Variants in FRMD4A observed in about 807,000 individuals in gnomAD.
The protein encoded by FRMD4A is FERM domain containing 4A, also known as FERM domain-containing protein 4A.
FRMD4A carries 29 observed loss-of-function variants against 129.1 expected under a neutral mutation model. The ratio of observed to expected loss-of-function variants is 0.22; its 90% CI spans 0.17 to 0.31. The LOEUF is 0.31. Among genes scored for constraint, FRMD4A ranks in the 10% least tolerant of loss-of-function variants. The probability of loss-of-function intolerance (pLI) is 1.00; values close to 1 mark genes in which losing one functional copy is unlikely to be tolerated. For synonymous variants in FRMD4A, 634 were observed against 571.6 expected (o/e 1.11, Z -1.56); for missense variants, 1,272 against 1,375.8 (o/e 0.92, Z 1.19).
intron 2 of FRMD4A, among the ~76,000 whole-genome samples, chr10:14,134,248 A>AATGGATGGATGG (rs60021621): frequency 0.19 from 28,792 of 149,638 alleles, 3,332 homozygotes; most frequent in East Asian, 0.38. Flanking sequence ...AATTGGAAAG[A>AATGGATGGATGG]ATGGATGGAT....
At chr10:14,211,121 C>T (rs1029825361) in intron 2 of FRMD4A, among the ~76,000 whole-genome samples, 3 of 152,166 alleles carry the variant, frequency 2.0e-5, no homozygotes, top group African/African-American at 4.8e-5. Context: ...CATCTCACTT[C>T]CCTGGTATAA....
intron 2 of FRMD4A, among the ~76,000 whole-genome samples, chr10:13,953,614 G>A (rs193121777): frequency 6.0e-4 from 92 of 152,238 alleles, no homozygotes; most frequent in Non-Finnish European, 1.0e-3. Context: ...TTCCCAGATC[G>A]ACTGTCTTGA....
intron 6 of FRMD4A, among the ~76,000 whole-genome samples, chr10:13,777,326 A>T (rs891314959): frequency 1.3e-5 from 2 of 152,288 alleles, no homozygotes; most frequent in Non-Finnish European, 2.9e-5. Context: ...TGAGGCTCAA[A>T]TATCATAGTA....
chr10:14,180,190 C>T (rs1841866819), intron 2 of FRMD4A, among the ~76,000 whole-genome samples: 1 of 152,104 alleles, frequency 6.6e-6, no homozygotes, highest in South Asian at 2.1e-4. Context: ...AGCTTTGTTC[C>T]AGGGCTTGAG....
intron 2 of FRMD4A, among the ~76,000 whole-genome samples, chr10:14,075,922 C>T (rs1441494246): frequency 6.6e-6 from 1 of 152,164 alleles, no homozygotes; most frequent in Non-Finnish European, 1.5e-5. Flanking sequence ...TTGCTTTTTC[C>T]TAATGTCTGC....
intron 3 of FRMD4A, among the ~76,000 whole-genome samples, chr10:13,857,672 C>T (rs2094232215): frequency 6.6e-6 from 1 of 152,178 alleles, no homozygotes; most frequent in South Asian, 2.1e-4. Context: ...ATCACTTCCC[C>T]CATGAGCAGA....
At chr10:13,730,463 G>A (rs990553314) in intron 12 of FRMD4A, among the ~76,000 whole-genome samples, 4 of 152,082 alleles carry the variant, frequency 2.6e-5, no homozygotes, top group Admixed American at 1.3e-4. Context: ...CACACAGCTG[G>A]CAGTTTTTTC....
chr10:14,206,239 C>T (rs943307641), intron 2 of FRMD4A, among the ~76,000 whole-genome samples: 1 of 152,122 alleles, frequency 6.6e-6, no homozygotes, highest in African/African-American at 2.4e-5. Context: ...CAACACAAGG[C>T]GCACTTTTCT....
chr10:13,919,632 A>C (rs1367037608), intron 2 of FRMD4A, among the ~76,000 whole-genome samples: 1 of 152,160 alleles, frequency 6.6e-6, no homozygotes, highest in East Asian at 1.9e-4. Context: ...TCAAAATTCT[A>C]AGTAATTCAA....
At chr10:13,944,777 G>C (rs1364224293) in intron 2 of FRMD4A, among the ~76,000 whole-genome samples, 2 of 152,182 alleles carry the variant, frequency 1.3e-5, no homozygotes, top group Admixed American at 6.5e-5. Context: ...AAAAAGAAAG[G>C]CTTAAAAAAT....
chr10:13,925,819 G>A (rs950677919), intron 2 of FRMD4A, among the ~76,000 whole-genome samples: 6 of 150,592 alleles, frequency 4.0e-5, no homozygotes, highest in Admixed American at 2.6e-4. Context: ...TCCTGACCTC[G>A]TGATCTGCCC....
chr10:14,287,695 T>C (rs907877050), intron 2 of FRMD4A, among the ~76,000 whole-genome samples: 11 of 152,104 alleles, frequency 7.2e-5, no homozygotes, highest in African/African-American at 2.7e-4. Flanking sequence ...GCCTCTCCAC[T>C]GCCACATCAA....
chr10:14,015,136 C>T (rs1219675550), intron 2 of FRMD4A, among the ~76,000 whole-genome samples: 1 of 119,812 alleles, frequency 8.3e-6, no homozygotes, highest in African/African-American at 3.2e-5. Flanking sequence ...TTCCCTTTCT[C>T]CTTCCTTCCT....
chr10:13,921,810 A>C lies in FRMD4A; in HGVS notation c.46-62898T>G, dbSNP rs1409470523. On this transcript the variant is annotated intron_variant, in intron 2 of 24. Transcript: ENST00000357447. ...GGTTCCAGTGCTCTTACATTATTTT[A>C]CATTGTTTCTTGTGGCAACATTTCC... 5.9e-5 allele frequency among the ~76,000 whole-genome samples: 9 copies of C among 152,168 alleles called. 1 individual carries two copies. The highest frequency in any genetic ancestry group is 5.9e-4 in the Admixed American group (9 of 15,282).
At chr10:14,165,477 A>G (rs867254661) in intron 2 of FRMD4A, among the ~76,000 whole-genome samples, 7 of 152,264 alleles carry the variant, frequency 4.6e-5, no homozygotes, top group East Asian at 1.9e-4. Context: ...AACTAAAAAT[A>G]GAACTACTAT....
chr10:13,651,839 C>G (rs61253007), intron 24 of FRMD4A, 64 bp downstream of exon 24: 17,775 of 832,364 alleles, frequency 0.021, 907 homozygotes, highest in African/African-American at 0.14. Flanking sequence ...ATGACATGGA[C>G]AAAAGCAACA....
rs72780827 is a variant in FRMD4A at position 14,299,720 on chromosome 10, A to G, written c.45+30338T>C. Among the ~76,000 whole-genome samples, 1,242 of 152,296 alleles carry G rather than the reference A, an allele frequency of 8.2e-3. 5 individuals are homozygous for G. The highest frequency in any genetic ancestry group is 0.014 in the Non-Finnish European group (930 of 68,020). ...CAATGAGCCGCCTCAGACAAGACACATCAACTACCAGAAAGGAGCCAGTAG... is the reference window on the plus strand; with the variant it reads ...CAATGAGCCGCCTCAGACAAGACACGTCAACTACCAGAAAGGAGCCAGTAG... On this transcript the variant is annotated intron_variant, in intron 2 of 24. Coordinates refer to ENST00000357447, the MANE Select transcript of FRMD4A (RefSeq NM_018027.5).
At chr10:14,086,910 G>C (rs985528784) in intron 2 of FRMD4A, among the ~76,000 whole-genome samples, 4 of 152,158 alleles carry the variant, frequency 2.6e-5, no homozygotes, top group African/African-American at 9.7e-5. Context: ...TTTTGAGGGG[G>C]ATGTCTTGGA....
At chr10:13,696,949 G>A (rs1422365208) in intron 14 of FRMD4A, among the ~76,000 whole-genome samples, 3 of 152,174 alleles carry the variant, frequency 2.0e-5, no homozygotes, top group Non-Finnish European at 4.4e-5. Flanking sequence ...GGGCCTGGCT[G>A]TAATTTGCTA....
Sources: allele counts gnomAD v4.1 joint callset (sites outside exome capture counted in the v4.1 genomes callset), GRCh38; gene constraint gnomAD v4.1.1; transcripts MANE v1.5; gene names NCBI Gene and HGNC (gene_info 2026-07-23, HGNC 2026-07-21).